WWOX: variants seen among roughly 807,000 people sequenced by gnomAD.
The protein encoded by WWOX is WW domain containing oxidoreductase.
A neutral mutation model predicts 46.2 loss-of-function variants in WWOX; 69 were observed. That is an observed-to-expected ratio of 1.49 (90% CI 1.23 to 1.82). The LOEUF (loss-of-function observed/expected upper bound fraction) is 1.82. Among genes scored for constraint, WWOX ranks in the 40% most tolerant of loss-of-function variants. The pLI, the probability that WWOX is intolerant of heterozygous loss-of-function variation, is 0.00. For synonymous variants in WWOX, 359 were observed against 202.6 expected (o/e 1.77, Z -6.56); for missense variants, 919 against 542.6 (o/e 1.69, Z -6.89).
At chr16:78,618,588 G>T (rs1292596687) in intron 8 of WWOX, among the ~76,000 whole-genome samples, 1 of 152,148 alleles carries the variant, frequency 6.6e-6, no homozygotes, top group Non-Finnish European at 1.5e-5. Flanking sequence ...CAGTCACATT[G>T]TGAGGTACTG....
At chr16:78,354,277 C>G (rs1360387171) in intron 5 of WWOX, among the ~76,000 whole-genome samples, 1 of 142,240 alleles carries the variant, frequency 7.0e-6, no homozygotes. Context: ...TTTTGCTTGG[C>G]ATAGGGAGAA....
intron 5 of WWOX, among the ~76,000 whole-genome samples, chr16:78,246,953 C>G (rs1488966334): frequency 2.6e-5 from 4 of 152,084 alleles, no homozygotes; most frequent in Non-Finnish European, 5.9e-5. Context: ...CCAGTCAGAC[C>G]ATAGCAGTAT....
intron 8 of WWOX, among the ~76,000 whole-genome samples, chr16:78,806,512 C>T (rs2051041571): frequency 6.6e-6 from 1 of 152,128 alleles, no homozygotes; most frequent in African/African-American, 2.4e-5. Context: ...GTTGTTCACT[C>T]ATGAGTCTGA....
At chr16:78,654,238 G>T (rs936474102) in intron 8 of WWOX, among the ~76,000 whole-genome samples, 2 of 152,082 alleles carry the variant, frequency 1.3e-5, no homozygotes, top group Non-Finnish European at 1.5e-5. Context: ...GAAAACCCTG[G>T]TTTTCAGATT....
At chr16:78,670,891 C>T (rs1023401176) in intron 8 of WWOX, among the ~76,000 whole-genome samples, 2 of 151,900 alleles carry the variant, frequency 1.3e-5, no homozygotes, top group Admixed American at 6.6e-5. Context: ...GTGGGCCCTA[C>T]ATCCAATAAG....
intron 8 of WWOX, chr16:79,105,962 T>G (rs2049300328): frequency 6.6e-6 from 1 of 152,242 alleles, no homozygotes; most frequent in Non-Finnish European, 1.5e-5. Flanking sequence ...CATGAGCCAC[T>G]GCACTGGGCC....
intron 8 of WWOX, among the ~76,000 whole-genome samples, chr16:79,021,965 T>C (rs1388310235): frequency 6.6e-6 from 1 of 152,202 alleles, no homozygotes; most frequent in Non-Finnish European, 1.5e-5. Context: ...CATGTGACGT[T>C]CTCTCTGCAG....
intron 8 of WWOX, among the ~76,000 whole-genome samples, chr16:78,758,923 A>G (rs1341366977): frequency 4.6e-5 from 7 of 151,074 alleles, no homozygotes; most frequent in Non-Finnish European, 1.0e-4. Flanking sequence ...TGCATTAAAA[A>G]AAACCACAAA....
chr16:78,893,997 G>A (rs911327374), intron 8 of WWOX, among the ~76,000 whole-genome samples: 11 of 136,500 alleles, frequency 8.1e-5, no homozygotes, highest in Non-Finnish European at 1.3e-4. Context: ...GATTACCATA[G>A]AGTAATGTCT....
chr16:79,081,182 G>T (rs1000542944), intron 8 of WWOX, among the ~76,000 whole-genome samples: 18 of 152,268 alleles, frequency 1.2e-4, no homozygotes, highest in Admixed American at 6.5e-4. Context: ...ATGTTTTCTT[G>T]AGACAAAGTC....
At chr16:79,013,057 A>G (rs1316867818) in intron 8 of WWOX, among the ~76,000 whole-genome samples, 1 of 152,178 alleles carries the variant, frequency 6.6e-6, no homozygotes, top group African/African-American at 2.4e-5. Context: ...CAACAGAGCA[A>G]GACTCCGTTT....
At chr16:78,900,369 A>G (rs1208046472) in intron 8 of WWOX, among the ~76,000 whole-genome samples, 3 of 152,204 alleles carry the variant, frequency 2.0e-5, no homozygotes, top group African/African-American at 7.2e-5. Context: ...CGCTCATATT[A>G]TTAAAAACTG....
chr16:78,712,589 T>G (rs1408437920), intron 8 of WWOX, among the ~76,000 whole-genome samples: 1 of 152,106 alleles, frequency 6.6e-6, no homozygotes, highest in East Asian at 1.9e-4. Context: ...TGATTTGGAT[T>G]TAGGGGAACC....
chr16:79,114,399 T>A (rs924200611), intron 8 of WWOX, among the ~76,000 whole-genome samples: 5 of 151,560 alleles, frequency 3.3e-5, no homozygotes, highest in African/African-American at 1.2e-4. Flanking sequence ...CGTATCTACA[T>A]GTATGCACAT....
chr16:78,335,394 T>C (rs2080865726), intron 5 of WWOX, among the ~76,000 whole-genome samples: 1 of 152,212 alleles, frequency 6.6e-6, no homozygotes, highest in African/African-American at 2.4e-5. Context: ...TTTCAGTTTC[T>C]GCATAAGTTT....
At chr16:79,138,366 C>T (rs1056691753) in intron 8 of WWOX, among the ~76,000 whole-genome samples, 3 of 152,176 alleles carry the variant, frequency 2.0e-5, no homozygotes, top group African/African-American at 4.8e-5. Flanking sequence ...ATGATGTATC[C>T]TTCAGTACGC....
intron 8 of WWOX, among the ~76,000 whole-genome samples, chr16:78,805,138 A>G (rs2050995946): frequency 1.7e-5 from 2 of 117,610 alleles, no homozygotes; most frequent in East Asian, 2.2e-4. Flanking sequence ...TTTAAGGACT[A>G]GATTGTGAAA....
At chr16:78,582,973 A>G (rs561716384) in intron 8 of WWOX, among the ~76,000 whole-genome samples, 7 of 152,204 alleles carry the variant, frequency 4.6e-5, no homozygotes, top group Non-Finnish European at 8.8e-5. Context: ...GACAGAGTGC[A>G]TGTTGTCAAA....
chr16:78,259,009 C>A (rs972580188), intron 5 of WWOX, among the ~76,000 whole-genome samples: 9 of 152,092 alleles, frequency 5.9e-5, no homozygotes, highest in Non-Finnish European at 1.3e-4. Context: ...CTCAGACGTG[C>A]CAAAAATAAG....
Sources: gnomAD v4.1 joint callset for allele counts (sites outside exome capture counted in the v4.1 genomes callset) on GRCh38, gnomAD v4.1.1 for gene constraint, MANE v1.5 for transcripts, NCBI Gene and HGNC (gene_info 2026-07-23, HGNC 2026-07-21) for gene names.